RPP40: variants seen among roughly 807,000 people sequenced by gnomAD.
The protein encoded by RPP40 is ribonuclease P/MRP subunit p40.
In RPP40, 30 loss-of-function variants were observed where a neutral mutation model predicts 42.5. The ratio of observed to expected loss-of-function variants is 0.71; its 90% confidence interval spans 0.53 to 0.96. RPP40 has a LOEUF of 0.96. RPP40 is among the 40% of genes least tolerant of loss of function. The probability of loss-of-function intolerance (pLI) is 0.00; values close to 1 mark genes in which losing one functional copy is unlikely to be tolerated. For synonymous variants in RPP40, 173 were observed against 164.0 expected (o/e 1.05, Z -0.42); for missense variants, 426 against 433.5 (o/e 0.98, Z 0.15).
rs570121218 is a variant in RPP40 at position 4,999,954 on chromosome 6, T to C, written c.338-50A>G. 12 of 1,128,628 alleles carry C rather than the reference T, an allele frequency of 1.1e-5. No homozygotes were observed. The South Asian group carries it at 1.6e-4, about 15-fold the overall frequency. 69.9% of individuals were successfully genotyped at this position (1,128,628 alleles called of 1,614,324 possible). A position where few individuals can be genotyped will look rare whatever the true frequency, so the allele number is the denominator to read the frequency against. On this transcript the variant is annotated intron_variant, in intron 3 of 7. Transcript: ENST00000380051. ...TAAGATACCAAAACTAGAACTTACG[T>C]TGTCTGACTAAAAGAAAGCAAGGCA...
downstream of RPP40, among the ~76,000 whole-genome samples, chr6:4,992,279 G>A (rs990597769): frequency 6.0e-5 from 9 of 151,008 alleles, no homozygotes; most frequent in African/African-American, 2.2e-4. Flanking sequence ...TGAGGCAGGA[G>A]AATCATTTGA....
chr6:4,992,796 C>T (rs1488890029), downstream of RPP40, among the ~76,000 whole-genome samples: 1 of 152,030 alleles, frequency 6.6e-6, no homozygotes, highest in African/African-American at 2.4e-5. Flanking sequence ...CTTTTTCTGT[C>T]TTCTTTTTGA....
downstream of RPP40, among the ~76,000 whole-genome samples, chr6:4,992,846 T>G (rs958732344): frequency 2.0e-5 from 3 of 152,212 alleles, no homozygotes; most frequent in Admixed American, 6.5e-5. Flanking sequence ...TATCTTTTGA[T>G]AGTTTAATAG....
chr6:4,990,864 GGGTGAGCTTT>G (rs1759251192), downstream of RPP40, among the ~76,000 whole-genome samples: 2 of 151,898 alleles, frequency 1.3e-5, no homozygotes, highest in African/African-American at 4.8e-5. Flanking sequence ...ACTTCTTCTT[GGGTGAGCTTT>G]GGTAATTTGT....
rs752497840 is a variant in RPP40 at position 4,995,092 on chromosome 6, G to A, written c.1078C>T (p.His360Tyr). The A allele has an allele frequency of 1.6e-5, 26 of 1,612,758 alleles. No individual in the cohort carries two copies. Among genetic ancestry groups the A allele is most frequent in the Admixed American group, 3.3e-5 (2 of 59,910 alleles). ...WLQMAVGAND[H>Y]CPP ...ATTTTTATTTTTTATGGTGGACAGT[G>A]ATCATTTGCCCCAACAGCCATCTGA... The change falls in exon 8 of 8, where the codon CAC becomes TAC. Residue 360 changes from histidine (H) to tyrosine (Y), a missense_variant. Transcript: ENST00000380051.
chr6:4,995,385 T>C, intron 7 of RPP40, 109 bp from the exon 8 acceptor site: 1 of 776,356 alleles, frequency 1.3e-6, no homozygotes, highest in Non-Finnish European at 2.0e-6. Flanking sequence ...TAATAAAGCT[T>C]AGATCTTAGC....
intron 3 of RPP40, among the ~76,000 whole-genome samples, chr6:5,000,118 G>C (rs1368400171): frequency 6.6e-6 from 1 of 152,022 alleles, no homozygotes; most frequent in Non-Finnish European, 1.5e-5. Context: ...ATTTATAATA[G>C]TGAAATTTAA....
At chr6:5,001,448 C>G (rs1048467773) in intron 2 of RPP40, among the ~76,000 whole-genome samples, 4 of 152,188 alleles carry the variant, frequency 2.6e-5, no homozygotes, top group African/African-American at 9.7e-5. Flanking sequence ...TTCTTCATAT[C>G]TTCACTGGAG....
chr6:5,003,805 C>T (rs959001120), intron 1 of RPP40, 75 bp downstream of exon 1: 5 of 1,526,016 alleles, frequency 3.3e-6, no homozygotes, highest in Non-Finnish European at 3.5e-6. Context: ...CCCGCGAAGC[C>T]TAGCACTCTC....
the RPP40 span, among the ~76,000 whole-genome samples, chr6:4,988,574 T>C: frequency 6.6e-6 from 1 of 152,252 alleles, no homozygotes; most frequent in African/African-American, 2.4e-5. Context: ...AATGGAATCA[T>C]ACAATAGTAA....
rs1759499890 is a variant in RPP40, at chr6:4,999,912, T to C, written c.338-8A>G. Reference sequence around the variant, plus strand: ...GTGACAAAATTAATTTCCCTATAAATCAAATAATAACTCCCATAAGATACC... The same window carrying C: ...GTGACAAAATTAATTTCCCTATAAACCAAATAATAACTCCCATAAGATACC... On this transcript the variant is annotated splice_region_variant and splice_polypyrimidine_tract_variant and intron_variant, in intron 3 of 7. Transcript: ENST00000380051. 3 of 1,527,880 alleles carry C rather than the reference T, an allele frequency of 2.0e-6. No homozygotes were observed. Among genetic ancestry groups the C allele is most frequent in the Non-Finnish European group, 2.7e-6 (3 of 1,103,320 alleles). 94.6% of individuals were successfully genotyped at this position (1,527,880 alleles called of 1,614,324 possible).
chr6:4,990,168 TATTG>T (rs909328266), downstream of RPP40, among the ~76,000 whole-genome samples: 4 of 152,336 alleles, frequency 2.6e-5, no homozygotes, highest in South Asian at 2.1e-4. Flanking sequence ...TGCCTTTCTG[TATTG>T]ATTGATTATA....
intron 4 of RPP40, among the ~76,000 whole-genome samples, chr6:4,999,302 T>A (rs1200349936): frequency 1.5e-5 from 2 of 132,994 alleles, no homozygotes; most frequent in Non-Finnish European, 3.4e-5. Flanking sequence ...TTTTTTTTTT[T>A]TTTTTTTTTT....
At chr6:4,996,448 T>G in intron 5 of RPP40, 28 bp from the exon 6 acceptor site, 2 of 1,606,766 alleles carry the variant, frequency 1.2e-6, no homozygotes, top group Non-Finnish European at 1.7e-6. Context: ...CAAGGCCATT[T>G]GAATCCATCT....
Position 5,004,003 on chromosome 6 carries a change from G to T in RPP40, c.-1C>A. The T allele has an allele frequency of 6.2e-7, 1 of 1,605,976 alleles. No homozygotes were observed. Among genetic ancestry groups the T allele is most frequent in the Non-Finnish European group, 8.5e-7 (1 of 1,177,202 alleles). Reference sequence around the variant, plus strand: ...CCCGAAGCCGGCGCAGCGTGGCCATGCTCTCCTGGGTTCCTGGTCCTCCCG... The same window carrying T: ...CCCGAAGCCGGCGCAGCGTGGCCATTCTCTCCTGGGTTCCTGGTCCTCCCG... On this transcript the variant is annotated 5_prime_UTR_variant, in exon 1 of 8. Transcript: ENST00000380051.
At chr6:4,998,219 C>T (rs976464247) in intron 5 of RPP40, among the ~76,000 whole-genome samples, 1 of 152,194 alleles carries the variant, frequency 6.6e-6, no homozygotes. Flanking sequence ...CATACATGGC[C>T]GTTTTAGGCA....
the RPP40 span, among the ~76,000 whole-genome samples, chr6:4,988,717 C>T: frequency 2.6e-5 from 4 of 152,146 alleles, no homozygotes; most frequent in African/African-American, 4.8e-5. Context: ...TAACCATTCA[C>T]GCACTGAAGG....
chr6:5,002,360 C>A, intron 1 of RPP40, 115 bp from the exon 2 acceptor site: 4 of 815,784 alleles, frequency 4.9e-6, no homozygotes, highest in Non-Finnish European at 7.1e-6. Context: ...TTCACTGGAA[C>A]ATAAAAACAC....
chr6:4,996,217 C>A lies in RPP40; in HGVS notation c.758+5G>T, dbSNP rs1759374370. ...CTGGAAGACACAGGGAGTTCAGATA[C>A]CCACAGGTCGACATTACTGAAGACG... On this transcript the variant is annotated splice_donor_5th_base_variant and intron_variant, in intron 6 of 7. Transcript: ENST00000380051. 6.2e-7 allele frequency: 1 copy of A among 1,613,204 alleles called. No homozygotes were observed. Among genetic ancestry groups the A allele is most frequent in the Admixed American group, 1.7e-5 (1 of 60,006 alleles).
Sources: gnomAD v4.1 joint callset for allele counts (sites outside exome capture counted in the v4.1 genomes callset) on GRCh38, gnomAD v4.1.1 for gene constraint, MANE v1.5 for transcripts, NCBI Gene and HGNC (gene_info 2026-07-23, HGNC 2026-07-21) for gene names.